DLEU7: variants seen among roughly 807,000 people sequenced by gnomAD.
The protein encoded by DLEU7 is deleted in lymphocytic leukemia 7.
In DLEU7, 17 loss-of-function variants were observed where a neutral mutation model predicts 16.0. The observed-to-expected ratio is 1.06, with a 90% CI of 0.73 to 1.59. The LOEUF is 1.59. DLEU7 is among the 40% of genes most tolerant of loss of function. The probability of loss-of-function intolerance (pLI) is 0.00; values close to 1 mark genes in which losing one functional copy is unlikely to be tolerated. For synonymous variants in DLEU7, 113 were observed against 139.8 expected (o/e 0.81, Z 1.35); for missense variants, 308 against 314.9 (o/e 0.98, Z 0.17).
chr13:50,808,387 G>A (rs1481526638), intron 1 of DLEU7, among the ~76,000 whole-genome samples: 1 of 152,096 alleles, frequency 6.6e-6, no homozygotes, highest in Non-Finnish European at 1.5e-5. Flanking sequence ...ATCAAGATCT[G>A]TTAGACATAT....
chr13:50,715,916 C>T (rs568278577), intron 1 of DLEU7, among the ~76,000 whole-genome samples: 2 of 152,344 alleles, frequency 1.3e-5, no homozygotes, highest in Admixed American at 1.3e-4. Context: ...CCCTGGCACA[C>T]CTTGCTGCTA....
At chr13:50,816,265 G>T (rs1481275618) in intron 1 of DLEU7, among the ~76,000 whole-genome samples, 1 of 152,030 alleles carries the variant, frequency 6.6e-6, no homozygotes, top group Non-Finnish European at 1.5e-5. Flanking sequence ...GCAAGAAAAT[G>T]GATAGAATAG....
At chr13:50,761,909 G>A (rs1874942918) in intron 1 of DLEU7, among the ~76,000 whole-genome samples, 1 of 151,882 alleles carries the variant, frequency 6.6e-6, no homozygotes, top group Non-Finnish European at 1.5e-5. Context: ...GAAAATATTG[G>A]GCCGGGCACG....
At chr13:50,751,748 T>C (rs1307452216) in intron 1 of DLEU7, among the ~76,000 whole-genome samples, 1 of 152,186 alleles carries the variant, frequency 6.6e-6, no homozygotes, top group Non-Finnish European at 1.5e-5. Context: ...CTTGAATGAT[T>C]TTTTGTATTT....
At chr13:50,723,842 A>G (rs77598331) in intron 1 of DLEU7, among the ~76,000 whole-genome samples, 2 of 151,682 alleles carry the variant, frequency 1.3e-5, no homozygotes, top group Non-Finnish European at 2.9e-5. Context: ...TAATAAAAAA[A>G]ATATATATAT....
chr13:50,838,256 C>A (rs928348451), intron 1 of DLEU7, among the ~76,000 whole-genome samples: 3 of 152,192 alleles, frequency 2.0e-5, no homozygotes, highest in Admixed American at 6.5e-5. Context: ...TACCAGAATG[C>A]GCTCATTGAA....
At chr13:50,742,122 C>A (rs1874266849) in intron 1 of DLEU7, among the ~76,000 whole-genome samples, 2 of 151,864 alleles carry the variant, frequency 1.3e-5, no homozygotes, top group African/African-American at 4.8e-5. Context: ...TTGCTTGTCC[C>A]AGAATGGGAC....
intron 1 of DLEU7, among the ~76,000 whole-genome samples, chr13:50,762,613 A>G (rs1874970908): frequency 2.0e-5 from 3 of 152,190 alleles, no homozygotes; most frequent in Admixed American, 2.0e-4. Flanking sequence ...GTGTCAACAC[A>G]TTAAATGGAG....
chr13:50,791,729 A>G (rs1404777949), intron 1 of DLEU7, among the ~76,000 whole-genome samples: 1 of 152,224 alleles, frequency 6.6e-6, no homozygotes, highest in Non-Finnish European at 1.5e-5. Flanking sequence ...ATCTATTTAA[A>G]ATGAGAAAAG....
chr13:50,820,040 G>A (rs1160441414), downstream of DLEU7, among the ~76,000 whole-genome samples: 1 of 152,082 alleles, frequency 6.6e-6, no homozygotes, highest in African/African-American at 2.4e-5. Context: ...TGCTGACCTG[G>A]AAAACAAATA....
chr13:50,831,141 G>C (rs2137809017), intron 1 of DLEU7, among the ~76,000 whole-genome samples: 1 of 149,790 alleles, frequency 6.7e-6, no homozygotes, highest in East Asian at 2.0e-4. Flanking sequence ...AGGGGAGAGG[G>C]AAAAAGAAAG....
intron 1 of DLEU7, among the ~76,000 whole-genome samples, chr13:50,715,275 G>A (rs1417462933): frequency 6.6e-6 from 1 of 152,180 alleles, no homozygotes; most frequent in Non-Finnish European, 1.5e-5. Context: ...CGATAATCCA[G>A]GATAATCCCC....
At chr13:50,797,873 A>G (rs1876145539) in intron 1 of DLEU7, among the ~76,000 whole-genome samples, 1 of 152,216 alleles carries the variant, frequency 6.6e-6, no homozygotes, top group African/African-American at 2.4e-5. Context: ...GAGAAATTGT[A>G]AGAACGTACT....
intron 1 of DLEU7, chr13:50,808,570 G>T (rs910370443): frequency 1.3e-5 from 2 of 152,142 alleles, no homozygotes; most frequent in African/African-American, 4.8e-5. Flanking sequence ...ACAGATATGT[G>T]TTGAGTGAAT....
At chr13:50,790,916 A>T (rs1160062166) in intron 1 of DLEU7, among the ~76,000 whole-genome samples, 1 of 152,160 alleles carries the variant, frequency 6.6e-6, no homozygotes, top group Non-Finnish European at 1.5e-5. Flanking sequence ...CAAGCTGAAT[A>T]AGCTCACTTC....
chr13:50,759,515 CTTTGT>C (rs1320965375), intron 1 of DLEU7, among the ~76,000 whole-genome samples: 3 of 44,490 alleles, frequency 6.7e-5, no homozygotes, highest in Non-Finnish European at 1.4e-4. Flanking sequence ...TTATGAAGCA[CTTTGT>C]ACACTCTAAA....
chr13:50,768,801 G>T (rs1875200957), intron 1 of DLEU7, among the ~76,000 whole-genome samples: 1 of 152,212 alleles, frequency 6.6e-6, no homozygotes, highest in African/African-American at 2.4e-5. Flanking sequence ...TATATACCCA[G>T]TAATGGGATG....
chr13:50,721,942 C>A (rs570270628), intron 1 of DLEU7, among the ~76,000 whole-genome samples: 1 of 151,106 alleles, frequency 6.6e-6, no homozygotes, highest in East Asian at 1.9e-4. Flanking sequence ...ATTTTTTTTT[C>A]ATTCATTCTT....
downstream of DLEU7, among the ~76,000 whole-genome samples, chr13:50,819,663 C>T (rs537792143): frequency 2.9e-4 from 44 of 152,166 alleles, no homozygotes; most frequent in Middle Eastern, 3.4e-3. Flanking sequence ...TCAAGGATGT[C>T]GCTAATGTTT....
Sources: allele counts gnomAD v4.1 joint callset (sites outside exome capture counted in the v4.1 genomes callset), GRCh38; gene constraint gnomAD v4.1.1; transcripts MANE v1.5; gene names NCBI Gene and HGNC (gene_info 2026-07-23, HGNC 2026-07-21).